WDPCP: variants seen among roughly 807,000 people sequenced by gnomAD.
WDPCP encodes WD repeat containing planar cell polarity effector.
WDPCP carries 71 observed loss-of-function variants against 93.1 expected under a neutral mutation model. The ratio of observed to expected loss-of-function variants is 0.76; its 90% CI spans 0.63 to 0.93. The LOEUF is 0.93. Ranked by LOEUF, WDPCP falls within the 40% of genes least tolerant of loss-of-function variation. WDPCP has a pLI of 0.00. For synonymous variants in WDPCP, 315 were observed against 315.0 expected (o/e 1.00, Z 0.00); for missense variants, 844 against 887.4 (o/e 0.95, Z 0.62).
intron 15 of WDPCP, among the ~76,000 whole-genome samples, chr2:63,155,615 C>A (rs1004607541): frequency 4.6e-5 from 7 of 152,068 alleles, no homozygotes; most frequent in African/African-American, 7.2e-5. Flanking sequence ...ATTGGAACAC[C>A]TTCATTTTAT....
intron 2 of WDPCP, among the ~76,000 whole-genome samples, chr2:63,760,676 A>G (rs1670043723): frequency 6.6e-6 from 1 of 152,134 alleles, no homozygotes; most frequent in Non-Finnish European, 1.5e-5. Flanking sequence ...CCAAAGCTGA[A>G]GTCTCCAGCA....
chr2:63,541,363 A>G (rs1057094214), intron 1 of WDPCP, among the ~76,000 whole-genome samples: 1 of 152,196 alleles, frequency 6.6e-6, no homozygotes, highest in Non-Finnish European at 1.5e-5. Context: ...ATCAAGATTT[A>G]TAATGCAATA....
rs74981170 is a variant in WDPCP, at chr2:63,208,720, G to C, written c.1916-33888C>G. Among the ~76,000 whole-genome samples the C allele has an allele frequency of 3.7e-3, 559 of 152,200 alleles. 3 individuals carry two copies. Among genetic ancestry groups the C allele is most frequent in the Non-Finnish European group, 6.2e-3 (423 of 68,006 alleles). ...TAGTAGTTGAAGTTTTCATCTGTCT[G>C]GACCATTAGAAGTCCCCCTACCTTC... On this transcript the variant is annotated intron_variant, in intron 14 of 17. Coordinates refer to ENST00000272321, the MANE Select transcript of WDPCP (RefSeq NM_015910.7).
chr2:63,800,926 T>C (rs1237181142), intron 2 of WDPCP, among the ~76,000 whole-genome samples: 1 of 151,962 alleles, frequency 6.6e-6, no homozygotes, highest in African/African-American at 2.4e-5. Context: ...TGGTGGTGTG[T>C]GCCTGTAGTC....
At chr2:63,247,353 A>T (rs968304686) in intron 14 of WDPCP, among the ~76,000 whole-genome samples, 1 of 152,160 alleles carries the variant, frequency 6.6e-6, no homozygotes, top group Non-Finnish European at 1.5e-5. Flanking sequence ...ACATTTTTTT[A>T]CTGTAGTAAT....
At chr2:63,816,454 A>T (rs1292560812) in intron 1 of WDPCP, among the ~76,000 whole-genome samples, 1 of 152,192 alleles carries the variant, frequency 6.6e-6, no homozygotes, top group Non-Finnish European at 1.5e-5. Context: ...CACTGTCCAT[A>T]TAAGAGACAG....
intron 17 of WDPCP, among the ~76,000 whole-genome samples, chr2:63,147,559 T>A (rs1342278640): frequency 1.3e-5 from 2 of 152,210 alleles, no homozygotes; most frequent in African/African-American, 4.8e-5. Context: ...CAAAGACTTC[T>A]TTATCCATGC....
chr2:63,425,317 CAG>C (rs1260977802), intron 9 of WDPCP, among the ~76,000 whole-genome samples: 2 of 152,204 alleles, frequency 1.3e-5, no homozygotes, highest in African/African-American at 2.4e-5. Context: ...ATTCAAAAGT[CAG>C]AGTGTCCCCC....
At chr2:63,367,346 A>C (rs926748009) in intron 12 of WDPCP, among the ~76,000 whole-genome samples, 2 of 152,056 alleles carry the variant, frequency 1.3e-5, no homozygotes, top group African/African-American at 4.8e-5. Flanking sequence ...TAAATTTCAC[A>C]AAAAAATAGT....
chr2:63,300,488 G>A (rs1685246037), intron 13 of WDPCP, among the ~76,000 whole-genome samples: 1 of 152,056 alleles, frequency 6.6e-6, no homozygotes, highest in Non-Finnish European at 1.5e-5. Context: ...ATTTCTTCTG[G>A]CCAGAGCTCC....
intron 14 of WDPCP, among the ~76,000 whole-genome samples, chr2:63,207,004 C>T (rs936353106): frequency 1.3e-5 from 2 of 152,166 alleles, no homozygotes; most frequent in Non-Finnish European, 2.9e-5. Context: ...TTCTCCAGCT[C>T]TTGACAACCA....
intron 1 of WDPCP, among the ~76,000 whole-genome samples, chr2:63,825,304 T>G (rs1449869372): frequency 3.9e-5 from 6 of 152,150 alleles, no homozygotes; most frequent in Non-Finnish European, 4.4e-5. Context: ...GCTCTTATCT[T>G]CTGACTTAGC....
chr2:63,215,563 A>G (rs1178520526), intron 14 of WDPCP, among the ~76,000 whole-genome samples: 1 of 152,234 alleles, frequency 6.6e-6, no homozygotes, highest in African/African-American at 2.4e-5. Context: ...TTAATTCAAG[A>G]TGGATTTAAA....
At chr2:63,567,043 G>C (rs1385051043) in intron 1 of WDPCP, among the ~76,000 whole-genome samples, 1 of 152,168 alleles carries the variant, frequency 6.6e-6, no homozygotes, top group South Asian at 2.1e-4. Flanking sequence ...GAAAGGTTAG[G>C]ACAGGGCTTC....
At chr2:63,302,183 T>C (rs1685382976) in intron 13 of WDPCP, among the ~76,000 whole-genome samples, 1 of 152,186 alleles carries the variant, frequency 6.6e-6, no homozygotes, top group Non-Finnish European at 1.5e-5. Flanking sequence ...TTCCAAAATT[T>C]AACTCATGTA....
chr2:63,404,730 T>C, intron 9 of WDPCP, 73 bp from the exon 10 acceptor site: 2 of 1,573,652 alleles, frequency 1.3e-6, no homozygotes, highest in Non-Finnish European at 1.7e-6. Flanking sequence ...GGACTGCATA[T>C]TTATTCAGAA....
At chr2:63,492,722 A>G (rs1436165712) in intron 2 of WDPCP, 134 bp downstream of exon 2, 1 of 769,664 alleles carries the variant, frequency 1.3e-6, no homozygotes, top group East Asian at 2.6e-5. Flanking sequence ...ATTTTCCATT[A>G]ACCAATTTTT....
intron 14 of WDPCP, among the ~76,000 whole-genome samples, chr2:63,177,478 T>C (rs1453501792): frequency 2.0e-5 from 3 of 152,220 alleles, no homozygotes; most frequent in Non-Finnish European, 4.4e-5. Context: ...CAAAGTATTT[T>C]ATTCTTTTTG....
At chr2:63,214,431 G>C (rs1040468562) in intron 14 of WDPCP, among the ~76,000 whole-genome samples, 1 of 152,114 alleles carries the variant, frequency 6.6e-6, no homozygotes, top group East Asian at 1.9e-4. Flanking sequence ...AGTGCTTCAC[G>C]CTAAAAACTC....
Sources: gnomAD v4.1 joint callset for allele counts (sites outside exome capture counted in the v4.1 genomes callset) on GRCh38, gnomAD v4.1.1 for gene constraint, MANE v1.5 for transcripts, NCBI Gene and HGNC (gene_info 2026-07-23, HGNC 2026-07-21) for gene names.